FNDC1: variants seen among roughly 807,000 people sequenced by gnomAD.
The protein encoded by FNDC1 is fibronectin type III domain containing 1.
Under a neutral mutation model 168.0 loss-of-function variants are expected in FNDC1, and 96 were observed. That is an observed-to-expected ratio of 0.57 (90% CI 0.48 to 0.68). FNDC1 has a LOEUF of 0.68. Ranked by LOEUF, FNDC1 falls within the 30% of genes least tolerant of loss-of-function variation. The pLI, the probability that FNDC1 is intolerant of heterozygous loss-of-function variation, is 0.00. For missense variants in FNDC1, 2,587 were observed against 2,482.1 expected (o/e 1.04, Z -0.90); for synonymous variants, 1,099 against 1,025.9 (o/e 1.07, Z -1.36).
At chr6:159,171,794 C>T (rs1562623683) in intron 1 of FNDC1, among the ~76,000 whole-genome samples, 1 of 152,306 alleles carries the variant, frequency 6.6e-6, no homozygotes, top group East Asian at 1.9e-4. Flanking sequence ...CACACATGCA[C>T]ATATTTGCAG....
intron 14 of FNDC1, 95 bp from the exon 15 acceptor site, chr6:159,246,806 T>C: frequency 1.2e-6 from 1 of 853,970 alleles, no homozygotes. Context: ...ATGACCTGCT[T>C]GAGGTGAATG....
chr6:159,227,320 G>C (rs1363238394), intron 9 of FNDC1, among the ~76,000 whole-genome samples: 4 of 152,198 alleles, frequency 2.6e-5, no homozygotes, highest in Admixed American at 2.6e-4. Context: ...AGGAAGGAAT[G>C]GAGGTTTTAT....
In FNDC1 at chr6:159,234,106, C is replaced by T. The variant is rs773228284; in HGVS notation, c.3594C>T (p.Ser1198=). ...FKGGKEDLLS[S]SVPKWPSSST... ...GCGGGAAAGAAGACCTTCTGTCTTC[C>T]TCTGTGCCAAAGTGGCCCTCTTCCT... Residue 1198 remains serine, a synonymous_variant, in exon 11 of 23, where the codon TCC becomes TCT. Transcript: ENST00000297267. 3 of 1,609,286 alleles carry T rather than the reference C, an allele frequency of 1.9e-6. No individual in the cohort carries two copies. In the Admixed American group the frequency reaches 5.0e-5, roughly 27 times the overall value.
rs1491433 is a variant in FNDC1, at chr6:159,170,025, A to G, written c.109+320A>G. The G allele has an allele frequency of 1.6e-3, 254 of 161,744 alleles. 1 individual carries two copies. The highest frequency in any genetic ancestry group is 5.6e-3 in the African/African-American group (234 of 41,864). 10.0% of individuals were successfully genotyped at this position (161,744 alleles called of 1,614,324 possible). On this transcript the variant is annotated intron_variant, in intron 1 of 22. Transcript: ENST00000297267. ...AAGAAAGGCGACTTTCAGCGTGCGGACTGGGGTAATGCCTTTCTTTGCCCA... is the reference window on the plus strand; with the variant it reads ...AAGAAAGGCGACTTTCAGCGTGCGGGCTGGGGTAATGCCTTTCTTTGCCCA...
chr6:159,271,302 T>C (rs756361184), intron 22 of FNDC1, 25 bp from the exon 23 acceptor site: 36 of 1,550,054 alleles, frequency 2.3e-5, no homozygotes, highest in Non-Finnish European at 3.1e-5. Context: ...TCTGACGCTT[T>C]TCCCCTCTCC....
rs1783190735 is a variant in FNDC1 at position 159,234,224 on chromosome 6, G to A, written c.3712G>A (p.Ala1238Thr). The change falls in exon 11 of 23, where the codon GCT becomes ACT. Residue 1238 changes from alanine (A) to threonine (T), a missense_variant. Transcript: ENST00000297267. ...GCTTGCCCCTCGCGGAGGGAGCCTG[G>A]CTCCTGTGAAGCGACCTCTCCCCCC... ...IALAPRGGSL[A>T]PVKRPLPPPP... 1 of 1,593,878 alleles carries A rather than the reference G, an allele frequency of 6.3e-7. No individual in the cohort carries two copies. The highest frequency in any genetic ancestry group is 1.1e-5 in the South Asian group (1 of 88,212).
At chr6:159,180,641 T>C (rs1400117264) in intron 1 of FNDC1, among the ~76,000 whole-genome samples, 1 of 152,038 alleles carries the variant, frequency 6.6e-6, no homozygotes, top group Non-Finnish European at 1.5e-5. Context: ...CCCCCTGTCC[T>C]CCCCTGACAG....
rs759075748 is a variant in FNDC1, at chr6:159,234,375, G to A, written c.3863G>A (p.Gly1288Asp). The change falls in exon 11 of 23, where the codon GGC (glycine) becomes GAC (aspartate). Residue 1288 changes from glycine to aspartate, a missense_variant. Gly to Asp is a moderately conservative substitution (Grantham distance 94). Transcript: ENST00000297267. ...CAGTACACCACGCGCGCCCCACCTG[G>A]CCACTTCTCCACCACCCCGATGCTG... ...WPQYTTRAPP[G>D]HFSTTPMLSL... 8 of 1,612,932 alleles carry A rather than the reference G, an allele frequency of 5.0e-6. No individual in the cohort carries two copies. Among genetic ancestry groups the A allele is most frequent in the Admixed American group, 1.7e-5 (1 of 59,954 alleles).
chr6:159,196,861 G>A (rs963956345), intron 1 of FNDC1, among the ~76,000 whole-genome samples: 4 of 152,170 alleles, frequency 2.6e-5, no homozygotes, highest in African/African-American at 9.7e-5. Context: ...ACACAATATG[G>A]AAACATTTAA....
chr6:159,196,717 A>C (rs1782247745), intron 1 of FNDC1, among the ~76,000 whole-genome samples: 1 of 152,190 alleles, frequency 6.6e-6, no homozygotes, highest in African/African-American at 2.4e-5. Flanking sequence ...TTACATAGTG[A>C]GTAGAGAGAT....
intron 17 of FNDC1, among the ~76,000 whole-genome samples, chr6:159,253,429 C>T (rs1043829859): frequency 6.6e-6 from 1 of 152,148 alleles, no homozygotes; most frequent in South Asian, 2.1e-4. Flanking sequence ...ATTATCGGGC[C>T]CCCTGCAGGG....
rs555690142 is a variant in FNDC1, at chr6:159,178,827, C to A, written c.109+9122C>A. ...AGTGCGGCTACCACCCTGGTCCAAG[C>A]CGTATTACCTGGATTTTTGCAGTGA... On this transcript the variant is annotated intron_variant, in intron 1 of 22. Coordinates refer to ENST00000297267, the MANE Select transcript of FNDC1 (RefSeq NM_032532.3). Among the ~76,000 whole-genome samples the A allele has an allele frequency of 5.9e-5, 9 of 151,744 alleles. No homozygotes were observed. In the East Asian group the frequency reaches 1.6e-3, roughly 26 times the overall value.
intron 1 of FNDC1, among the ~76,000 whole-genome samples, chr6:159,191,642 C>T (rs543754577): frequency 6.6e-6 from 1 of 152,316 alleles, no homozygotes; most frequent in East Asian, 1.9e-4. Flanking sequence ...TGTAAGCATG[C>T]TTATCAGTTG....
chr6:159,259,720 G>A (rs1777446616), intron 18 of FNDC1, among the ~76,000 whole-genome samples: 1 of 152,174 alleles, frequency 6.6e-6, no homozygotes, highest in South Asian at 2.1e-4. Flanking sequence ...CATGTAACTG[G>A]GAAAACATGA....
chr6:159,246,317 T>C (rs919556224), intron 14 of FNDC1, among the ~76,000 whole-genome samples: 1 of 152,196 alleles, frequency 6.6e-6, no homozygotes, highest in African/African-American at 2.4e-5. Flanking sequence ...CACAAGGAAC[T>C]CTCATTGGTA....
intron 1 of FNDC1, among the ~76,000 whole-genome samples, chr6:159,196,315 C>CT (rs1039501964): frequency 2.6e-5 from 4 of 152,202 alleles, no homozygotes; most frequent in African/African-American, 9.7e-5. Context: ...TCATACTCTT[C>CT]TTTCATCCCT....
chr6:159,181,746 G>A (rs1308296405), intron 1 of FNDC1, among the ~76,000 whole-genome samples: 1 of 152,098 alleles, frequency 6.6e-6, no homozygotes, highest in Non-Finnish European at 1.5e-5. Flanking sequence ...TTCCTATTCT[G>A]TAAAATTTGG....
intron 1 of FNDC1, among the ~76,000 whole-genome samples, chr6:159,174,590 G>C (rs1781726109): frequency 6.6e-6 from 1 of 152,256 alleles, no homozygotes; most frequent in South Asian, 2.1e-4. Flanking sequence ...TTCTCCCTTA[G>C]TGCTTGCCTT....
rs189260029 is a variant in FNDC1 at position 159,169,605 on chromosome 6, C to A, written c.9C>A (p.Pro3=). The change falls in exon 1 of 23, where the codon CCC becomes CCA. Residue 3 remains proline (P), a synonymous_variant. Coordinates refer to ENST00000297267, the MANE Select transcript of FNDC1 (RefSeq NM_032532.3). The surrounding 1 kb of genome is among the most constrained non-coding windows in gnomAD (Gnocchi z 6.8). ...CCCACCCCGGGCTCTCGATGGCCCC[C>A]GAGGCCGGGGCGACCCTGCGCGCGC... MA[P]EAGATLRAPR... is the part of the protein sequence containing the mutation. The A allele has an allele frequency of 2.7e-3, 3,040 of 1,118,620 alleles. 63 individuals are homozygous for A. The African/African-American group carries it at 0.046, about 17-fold the overall frequency. The allele number at this position is 1,118,620 out of a possible 1,614,324, so 69.3% of individuals were successfully genotyped here.
Sources: allele counts gnomAD v4.1 joint callset (sites outside exome capture counted in the v4.1 genomes callset), GRCh38; gene constraint gnomAD v4.1.1; non-coding constraint Gnocchi (gnomAD v3.1); transcripts MANE v1.5; gene names NCBI Gene and HGNC (gene_info 2026-07-23, HGNC 2026-07-21).